Variants in CACNB2 observed in about 807,000 individuals in gnomAD.
CACNB2 encodes the protein voltage-dependent L-type calcium channel subunit beta-2.
A neutral mutation model predicts 73.3 loss-of-function variants in CACNB2; 42 were observed. The observed-to-expected ratio is 0.57, with a 90% CI of 0.45 to 0.74. The LOEUF is 0.74. Ranked by LOEUF, CACNB2 falls within the 30% of genes least tolerant of loss-of-function variation. CACNB2 has a pLI of 0.00. For synonymous variants in CACNB2, 348 were observed against 310.3 expected, an observed-to-expected ratio of 1.12 and a Z score of -1.28; for missense variants, 940 against 853.0, an observed-to-expected ratio of 1.10 and a Z score of -1.27.
chr10:18,519,222 A>G (rs1403291596), intron 9 of CACNB2, among the ~76,000 whole-genome samples: 1 of 152,108 alleles, frequency 6.6e-6, no homozygotes, highest in African/African-American at 2.4e-5. Flanking sequence ...GGCCAGTCTC[A>G]CCCTCAATTC....
intron 6 of CACNB2, among the ~76,000 whole-genome samples, chr10:18,510,694 C>G (rs1228938298): frequency 6.6e-6 from 1 of 152,220 alleles, no homozygotes; most frequent in Non-Finnish European, 1.5e-5. Flanking sequence ...ATGAACTTGA[C>G]TGTCCAAGGG....
intron 2 of CACNB2, among the ~76,000 whole-genome samples, chr10:18,261,731 C>T (rs2037554810): frequency 6.6e-6 from 1 of 152,140 alleles, no homozygotes; most frequent in African/African-American, 2.4e-5. Context: ...CAGAGGCTAA[C>T]ACTAAATCCT....
At chr10:18,190,405 G>T (rs1316768697) in intron 2 of CACNB2, among the ~76,000 whole-genome samples, 2 of 152,086 alleles carry the variant, frequency 1.3e-5, no homozygotes, top group Non-Finnish European at 2.9e-5. Context: ...CACCCACCCT[G>T]CCCCGAGAGT....
chr10:18,222,844 G>A (rs1022903565), intron 2 of CACNB2, among the ~76,000 whole-genome samples: 3 of 152,186 alleles, frequency 2.0e-5, no homozygotes, highest in African/African-American at 7.2e-5. Flanking sequence ...GGCTGAGGCA[G>A]GAGAATTTCT....
At chr10:18,148,598 G>C (rs1477603143) in intron 1 of CACNB2, among the ~76,000 whole-genome samples, 1 of 152,126 alleles carries the variant, frequency 6.6e-6, no homozygotes, top group African/African-American at 2.4e-5. Flanking sequence ...CCACAAAAAA[G>C]CTTACACATT....
intron 3 of CACNB2, among the ~76,000 whole-genome samples, chr10:18,490,033 A>G (rs1357427773): frequency 2.0e-5 from 3 of 152,120 alleles, no homozygotes; most frequent in African/African-American, 7.2e-5. Context: ...GCACACCACC[A>G]CAGATGGCTT....
chr10:18,539,757 TTTGAAGTC>T lies in CACNB2; in HGVS notation c.*37_*44del. ...CCGTTTGTGTTTTTTTTTTTTTTTT[TTTGAAGTC>T]TTGTATAACTAACAGCATCCCCAAA... is the stretch of plus-strand genomic sequence containing the variant. On this transcript the variant is annotated 3_prime_UTR_variant, in exon 14 of 14. Coordinates refer to ENST00000324631, the MANE Select transcript of CACNB2 (RefSeq NM_201596.3). The T allele has an allele frequency of 6.4e-7, 1 of 1,565,502 alleles. No individual in the cohort carries two copies. The highest frequency in any genetic ancestry group is 8.6e-7 in the Non-Finnish European group (1 of 1,159,220).
At chr10:18,298,631 G>A (rs2131817616) in intron 2 of CACNB2, among the ~76,000 whole-genome samples, 1 of 152,312 alleles carries the variant, frequency 6.6e-6, no homozygotes, top group Non-Finnish European at 1.5e-5. Context: ...TGGGGATTTT[G>A]TCTCCACTAC....
intron 2 of CACNB2, among the ~76,000 whole-genome samples, chr10:18,225,195 C>T (rs185054731): frequency 6.5e-4 from 99 of 151,522 alleles, no homozygotes; most frequent in African/African-American, 2.4e-3. Context: ...TGGGAGGAGT[C>T]GGCAGAACCT....
intron 2 of CACNB2, among the ~76,000 whole-genome samples, chr10:18,271,313 C>T (rs1023511967): frequency 1.3e-5 from 2 of 152,134 alleles, no homozygotes; most frequent in African/African-American, 2.4e-5. Flanking sequence ...CTTATTTACC[C>T]ATAACAAGGA....
intron 2 of CACNB2, among the ~76,000 whole-genome samples, chr10:18,234,731 A>G (rs896754965): frequency 1.3e-5 from 2 of 152,224 alleles, no homozygotes; most frequent in African/African-American, 4.8e-5. Flanking sequence ...AGGAAGATGA[A>G]TGATTGTTCC....
intron 3 of CACNB2, among the ~76,000 whole-genome samples, chr10:18,443,611 T>G (rs2046583853): frequency 6.6e-6 from 1 of 152,160 alleles, no homozygotes; most frequent in African/African-American, 2.4e-5. Flanking sequence ...TGAGAATCCT[T>G]TATTGTCCCT....
intron 2 of CACNB2, among the ~76,000 whole-genome samples, chr10:18,320,624 C>T (rs991818249): frequency 1.3e-5 from 2 of 152,178 alleles, no homozygotes; most frequent in Non-Finnish European, 2.9e-5. Context: ...AGTTACTTAA[C>T]TTCCCATGCC....
chr10:18,424,545 G>T (rs2045499026), intron 3 of CACNB2, among the ~76,000 whole-genome samples: 2 of 152,080 alleles, frequency 1.3e-5, no homozygotes, highest in South Asian at 4.2e-4. Context: ...CCTCAGTCTG[G>T]TCGGGTGTCC....
At chr10:18,216,449 C>T (rs368901041) in intron 2 of CACNB2, among the ~76,000 whole-genome samples, 3 of 152,270 alleles carry the variant, frequency 2.0e-5, no homozygotes, top group South Asian at 2.1e-4. Flanking sequence ...AACCAAAAAG[C>T]TACATGGTGA....
chr10:18,401,225 A>G (rs2043979123), intron 2 of CACNB2: 7 of 1,156,064 alleles, frequency 6.1e-6, no homozygotes, highest in Non-Finnish European at 8.9e-6. Flanking sequence ...CAGGAGAGGG[A>G]AGCTAGGGAG....
intron 2 of CACNB2, among the ~76,000 whole-genome samples, chr10:18,160,323 A>G (rs1011272820): frequency 1.3e-5 from 2 of 152,174 alleles, no homozygotes; most frequent in African/African-American, 2.4e-5. Flanking sequence ...GTTTGCGTAT[A>G]TACTTTTCTA....
At chr10:18,341,479 T>C (rs2041230124) in intron 2 of CACNB2, among the ~76,000 whole-genome samples, 1 of 152,100 alleles carries the variant, frequency 6.6e-6, no homozygotes, top group South Asian at 2.1e-4. Context: ...TACTTAAACA[T>C]AAAGCTTTGC....
At chr10:18,409,326 CAA>C (rs376208173) in intron 3 of CACNB2, among the ~76,000 whole-genome samples, 114 of 146,878 alleles carry the variant, frequency 7.8e-4, no homozygotes, top group African/African-American at 2.8e-3. Context: ...AAAGTAGAGA[CAA>C]AGTCTCCTTA....
Sources: gnomAD v4.1 joint callset for allele counts (sites outside exome capture counted in the v4.1 genomes callset) on GRCh38, gnomAD v4.1.1 for gene constraint, MANE v1.5 for transcripts, NCBI Gene and HGNC (gene_info 2026-07-23, HGNC 2026-07-21) for gene names.